DHX34: variants seen among roughly 807,000 people sequenced by gnomAD.
The protein encoded by DHX34 is probable ATP-dependent RNA helicase DHX34.
A neutral mutation model predicts 111.1 loss-of-function variants in DHX34; 96 were observed. The observed-to-expected ratio is 0.86, with a 90% confidence interval of 0.73 to 1.02. The LOEUF (loss-of-function observed/expected upper bound fraction) is 1.02. Ranked by LOEUF, DHX34 falls within the 50% of genes least tolerant of loss-of-function variation. The pLI is 0.00. For synonymous variants in DHX34, 688 were observed against 670.4 expected (o/e 1.03, Z -0.41); for missense variants, 1,560 against 1,579.9 (o/e 0.99, Z 0.21).
chr19:47,377,105 A>G lies in DHX34; in HGVS notation c.2605A>G (p.Lys869Glu), dbSNP rs1970189307. ...ASNCDGSRDD[K>E]DKMSSKHQLL... ...GGTCCTCCTCAACCTTTCAGACGAC[A>G]AGGACAAGATGAGCAGCAAACACCA... The change falls in exon 13 of 17, where the codon AAG (lysine) becomes GAG (glutamate). Residue 869 changes from lysine (K) to glutamate (E), a missense_variant. Lys to Glu is a moderately conservative substitution (Grantham distance 56). Coordinates refer to ENST00000328771, the MANE Select transcript of DHX34 (RefSeq NM_014681.6). 2 of 1,613,862 alleles carry G rather than the reference A, an allele frequency of 1.2e-6. No homozygotes were observed. Among genetic ancestry groups the G allele is most frequent in the Admixed American group, 1.7e-5 (1 of 60,002 alleles).
At chr19:47,365,017 A>G (rs1969748634) in intron 6 of DHX34, among the ~76,000 whole-genome samples, 1 of 152,018 alleles carries the variant, frequency 6.6e-6, no homozygotes, top group African/African-American at 2.4e-5. Context: ...AACATTTTCT[A>G]GACTCCTCTG....
Position 47,375,915 on chromosome 19 carries a change from T to TC in DHX34, c.2308-3dup. ...CCCCTAAGACTCTGCCTCCCCGTGC[T>TC]CCCCCCAGGATGTGAAGTTCAAGCT... On this transcript the variant is annotated splice_polypyrimidine_tract_variant and intron_variant, in intron 10 of 16. Coordinates refer to ENST00000328771, the MANE Select transcript of DHX34 (RefSeq NM_014681.6). 6.3e-7 allele frequency: 1 copy of TC among 1,595,234 alleles called. No individual in the cohort carries two copies. The highest frequency in any genetic ancestry group is 1.1e-5 in the South Asian group (1 of 89,234).
rs763413315 is a variant in DHX34 at position 47,382,097 on chromosome 19, G to A, written c.3416G>A (p.Arg1139Gln). 38 of 1,613,906 alleles carry A rather than the reference G, an allele frequency of 2.4e-5. No homozygotes were observed. Among genetic ancestry groups the A allele is most frequent in the South Asian group, 5.5e-5 (5 of 91,090 alleles). The change falls in exon 17 of 17, where the codon CGG (arginine) becomes CAG (glutamine). Residue 1139 changes from arginine to glutamine, a missense_variant. Coordinates refer to ENST00000328771, the MANE Select transcript of DHX34 (RefSeq NM_014681.6). ...LFTPTEVLRHRKQHV is the reference protein window; with the variant it reads ...LFTPTEVLRHQKQHV ...ACACCCACAGAGGTGCTGCGCCACC[G>A]GAAGCAGCACGTGTGAGCTGGGCCA...
intron 2 of DHX34, among the ~76,000 whole-genome samples, chr19:47,354,406 A>G (rs1969387785): frequency 6.6e-6 from 1 of 152,242 alleles, no homozygotes; most frequent in African/African-American, 2.4e-5. Flanking sequence ...GTCCTGGCAC[A>G]TAGCAGGGAC....
intron 3 of DHX34, among the ~76,000 whole-genome samples, chr19:47,357,137 A>G (rs962469974): frequency 7.9e-5 from 12 of 152,116 alleles, no homozygotes; most frequent in Admixed American, 2.6e-4. Context: ...AAATCAGCCA[A>G]CCAACCTGGC....
At chr19:47,369,162 G>C (rs1211986623) in intron 7 of DHX34, among the ~76,000 whole-genome samples, 1 of 152,202 alleles carries the variant, frequency 6.6e-6, no homozygotes, top group Admixed American at 6.5e-5. Context: ...GCAGACTTGA[G>C]CCACCGTGCC....
intron 6 of DHX34, 88 bp downstream of exon 6, chr19:47,362,781 T>G: frequency 8.0e-7 from 1 of 1,253,504 alleles, no homozygotes; most frequent in Non-Finnish European, 1.1e-6. Flanking sequence ...TTTATTTTAT[T>G]TTATTTTGAG....
chr19:47,373,845 T>G (rs893374491), intron 9 of DHX34, 145 bp downstream of exon 9: 5 of 1,086,720 alleles, frequency 4.6e-6, no homozygotes, highest in Admixed American at 5.1e-5. Flanking sequence ...GGTGACCAGG[T>G]GTTGGGGCAG....
chr19:47,371,759 C>T (rs1308641372), intron 7 of DHX34, among the ~76,000 whole-genome samples: 1 of 152,056 alleles, frequency 6.6e-6, no homozygotes, highest in Non-Finnish European at 1.5e-5. Flanking sequence ...GCCACCACAC[C>T]CAGCTAATTT....
intron 8 of DHX34, among the ~76,000 whole-genome samples, chr19:47,373,233 C>T (rs1970026655): frequency 6.6e-6 from 1 of 151,976 alleles, no homozygotes; most frequent in African/African-American, 2.4e-5. Flanking sequence ...TCCCTTGAGT[C>T]CTCACCCTAA....
chr19:47,362,022 C>T (rs1378914480), intron 5 of DHX34, among the ~76,000 whole-genome samples: 4 of 151,436 alleles, frequency 2.6e-5, no homozygotes, highest in South Asian at 2.1e-4. Flanking sequence ...CAGTGGCCCA[C>T]GCTTGTAACC....
At chr19:47,381,939 T>C (rs762375868) in intron 16 of DHX34, 41 bp from the exon 17 acceptor site, 4 of 1,613,386 alleles carry the variant, frequency 2.5e-6, no homozygotes, top group Non-Finnish European at 3.4e-6. Context: ...ACCTGTGCAC[T>C]GGAACACGCC....
intron 14 of DHX34, 163 bp from the exon 15 acceptor site, chr19:47,380,653 A>AC: frequency 1.0e-6 from 1 of 985,020 alleles, no homozygotes. Context: ...TTCTAGACAG[A>AC]CCCCTGGTCA....
rs201333357 is a variant in DHX34, at chr19:47,360,116, G to A, written c.1375+46G>A. ...CTACCCACCACCCCCAAGGACTTAG[G>A]AGCATGGGGTCCGGAGGTGTGCGTG... On this transcript the variant is annotated intron_variant, in intron 5 of 16. Coordinates refer to ENST00000328771, the MANE Select transcript of DHX34 (RefSeq NM_014681.6). The A allele has an allele frequency of 2.5e-6, 4 of 1,591,254 alleles. No individual in the cohort carries two copies. In the Admixed American group the frequency reaches 6.7e-5, roughly 27 times the overall value.
chr19:47,366,277 T>C (rs1969783002), intron 6 of DHX34, among the ~76,000 whole-genome samples: 1 of 151,408 alleles, frequency 6.6e-6, no homozygotes, highest in Admixed American at 6.6e-5. Flanking sequence ...AATTTTATTT[T>C]ATTTTATTTT....
At chr19:47,376,711 T>G in intron 12 of DHX34, 151 bp downstream of exon 12, 1 of 1,427,240 alleles carries the variant, frequency 7.0e-7, no homozygotes, top group South Asian at 1.4e-5. Flanking sequence ...GGGCCAGGCC[T>G]CCCTGGGTAG....
chr19:47,375,535 T>C lies in DHX34; in HGVS notation c.2134T>C (p.Leu712=), dbSNP rs1179860048. Residue 712 remains leucine, a synonymous_variant, in exon 10 of 17, where the codon TTG becomes CTG. Transcript: ENST00000328771. ...AAQVGDSYSR[L]QQRRERRALH... is the part of the protein sequence containing the mutation. ...GCAGGTAGGGGACAGCTACAGTCGG[T>C]TGCAGCAGCGCCGGGAGCGCCGGGC... 2 of 1,560,820 alleles carry C rather than the reference T, an allele frequency of 1.3e-6. No individual in the cohort carries two copies. Among genetic ancestry groups the C allele is most frequent in the Non-Finnish European group, 1.7e-6 (2 of 1,158,748 alleles).
chr19:47,380,126 C>G, intron 14 of DHX34, 141 bp downstream of exon 14: 2 of 1,381,976 alleles, frequency 1.4e-6, no homozygotes, highest in Non-Finnish European at 9.6e-7. Context: ...GGTTCAGTCA[C>G]TTACACAAGG....
intron 4 of DHX34, among the ~76,000 whole-genome samples, chr19:47,358,346 G>T (rs1490217694): frequency 6.6e-6 from 1 of 152,180 alleles, no homozygotes; most frequent in Non-Finnish European, 1.5e-5. Context: ...CGGAGTAGAT[G>T]ATGTCAGTCC....
Sources: allele counts gnomAD v4.1 joint callset (sites outside exome capture counted in the v4.1 genomes callset), GRCh38; gene constraint gnomAD v4.1.1; transcripts MANE v1.5; gene names NCBI Gene and HGNC (gene_info 2026-07-23, HGNC 2026-07-21).